Variants in KDM4C observed in about 807,000 individuals in gnomAD.
The protein encoded by KDM4C is lysine-specific demethylase 4C.
A neutral mutation model predicts 129.3 loss-of-function variants in KDM4C; 81 were observed. The observed-to-expected ratio is 0.63, with a 90% confidence interval of 0.52 to 0.75. The LOEUF is 0.75. Ranked by LOEUF, KDM4C falls within the 30% of genes least tolerant of loss-of-function variation. The pLI, the probability that KDM4C is intolerant of heterozygous loss-of-function variation, is 0.00. For synonymous variants in KDM4C, 573 were observed against 456.1 expected, an observed-to-expected ratio of 1.26 and a Z score of -3.26; for missense variants, 1,457 against 1,304.0, an observed-to-expected ratio of 1.12 and a Z score of -1.81.
At chr9:7,127,828 A>G (rs1840183504) in intron 18 of KDM4C, 1 of 383,382 alleles carries the variant, frequency 2.6e-6, no homozygotes, top group South Asian at 5.2e-5. Context: ...TACACACACA[A>G]AACCAATGGA....
intron 3 of KDM4C, among the ~76,000 whole-genome samples, chr9:6,809,426 G>C (rs1830738703): frequency 6.6e-6 from 1 of 152,204 alleles, no homozygotes; most frequent in South Asian, 2.1e-4. Flanking sequence ...CTCTCTTAAA[G>C]TGTTAATTGA....
intron 2 of KDM4C, among the ~76,000 whole-genome samples, chr9:6,803,505 G>A (rs1347541454): frequency 6.6e-6 from 1 of 151,718 alleles, no homozygotes; most frequent in Non-Finnish European, 1.5e-5. Flanking sequence ...GGGAGGTGGA[G>A]GTTGCGGTGA....
chr9:6,976,651 G>C (rs563586627), intron 8 of KDM4C, among the ~76,000 whole-genome samples: 1 of 152,284 alleles, frequency 6.6e-6, no homozygotes, highest in South Asian at 2.1e-4. Context: ...AATGTGATTT[G>C]ATTGTGCCTC....
chr9:7,164,113 CTTGA>C (rs1844104887), intron 19 of KDM4C, among the ~76,000 whole-genome samples: 1 of 152,178 alleles, frequency 6.6e-6, no homozygotes, highest in Non-Finnish European at 1.5e-5. Flanking sequence ...GCATTTATAG[CTTGA>C]TTGGTCAAGT....
intron 19 of KDM4C, 45 bp downstream of exon 19, chr9:7,128,281 A>G (rs1840239310): frequency 7.1e-7 from 1 of 1,409,154 alleles, no homozygotes; most frequent in African/African-American, 1.5e-5. Context: ...GTAATTTAAA[A>G]AAAAAAACCA....
chr9:6,787,935 C>T (rs1825814596), intron 1 of KDM4C, among the ~76,000 whole-genome samples: 1 of 152,150 alleles, frequency 6.6e-6, no homozygotes, highest in Admixed American at 6.5e-5. Flanking sequence ...AAATGCCAAA[C>T]TCCTTTTCTC....
At chr9:7,068,097 A>T in intron 17 of KDM4C, among the ~76,000 whole-genome samples, 1 of 152,082 alleles carries the variant, frequency 6.6e-6, no homozygotes, top group Non-Finnish European at 1.5e-5. Flanking sequence ...CACCCAGCTG[A>T]TTTTTGACTT....
chr9:6,824,638 C>CA (rs144032826), intron 4 of KDM4C, among the ~76,000 whole-genome samples: 50,544 of 126,850 alleles, frequency 0.4, 10,444 homozygotes, highest in East Asian at 0.61. Context: ...GACTCCGTCT[C>CA]AAAAAAAAAA....
intron 8 of KDM4C, among the ~76,000 whole-genome samples, chr9:6,948,888 A>T (rs899439211): frequency 6.6e-6 from 1 of 152,164 alleles, no homozygotes; most frequent in Non-Finnish European, 1.5e-5. Context: ...ACTTCTTTCT[A>T]CACAGATGCA....
intron 4 of KDM4C, chr9:6,834,310 T>A (rs996758311): frequency 4.0e-5 from 11 of 278,404 alleles, no homozygotes; most frequent in Non-Finnish European, 7.1e-5. Flanking sequence ...GTGCTGAGAT[T>A]ACAGCATGAG....
chr9:7,052,894 A>AGAGAGAGC (rs1554718517), intron 17 of KDM4C, among the ~76,000 whole-genome samples: 1,322 of 105,460 alleles, frequency 0.013, 35 homozygotes, highest in African/African-American at 0.039. Context: ...AGAGAGAGAG[A>AGAGAGAGC]GAGAGAGCGA....
Position 6,845,646 on chromosome 9 carries a change from T to G in KDM4C, c.436-3861T>G, listed in dbSNP as rs567145541. Among the ~76,000 whole-genome samples the G allele has an allele frequency of 1.1e-3, 166 of 152,266 alleles. 1 individual carries two copies. The highest frequency in any genetic ancestry group is 3.9e-3 in the African/African-American group (164 of 41,558). On this transcript the variant is annotated intron_variant, in intron 4 of 21. Coordinates refer to ENST00000381309, the MANE Select transcript of KDM4C (RefSeq NM_015061.6). ...AATCGTGGTCCAATTGTGAGTTGTT[T>G]CAGAAAACAGATGCAGGATACGTAA... is the stretch of plus-strand genomic sequence containing the variant.
At chr9:6,993,434 C>T (rs1819111183) in intron 12 of KDM4C, among the ~76,000 whole-genome samples, 1 of 152,022 alleles carries the variant, frequency 6.6e-6, no homozygotes, top group Non-Finnish European at 1.5e-5. Flanking sequence ...TTTTTATTGC[C>T]CAGTTGTTTA....
Position 6,758,496 on chromosome 9 carries a change from T to A in KDM4C, c.-18+293T>A, listed in dbSNP as rs966821054. ...GGGATCCGGAGTCGGGGTCGCCTCC[T>A]TGGGGCAGAGGAGCGCTCGGGCGGT... On this transcript the variant is annotated intron_variant, in intron 1 of 21. Coordinates refer to ENST00000381309, the MANE Select transcript of KDM4C (RefSeq NM_015061.6). The surrounding 1 kb of genome is among the most constrained non-coding windows in gnomAD (Gnocchi z 4.6). Among the ~76,000 whole-genome samples the A allele has an allele frequency of 1.3e-5, 2 of 152,144 alleles. No homozygotes were observed. The highest frequency in any genetic ancestry group is 4.8e-5 in the African/African-American group (2 of 41,442).
rs1458914412 is a variant in KDM4C at position 6,798,716 on chromosome 9, G to A, written c.144+5584G>A. Among the ~76,000 whole-genome samples, 4 of 152,006 alleles carry A rather than the reference G, an allele frequency of 2.6e-5. No individual in the cohort carries two copies. The South Asian group carries it at 6.2e-4, about 24-fold the overall frequency. On this transcript the variant is annotated intron_variant, in intron 2 of 21. Transcript: ENST00000381309. Reference sequence around the variant, plus strand: ...TCCCCCTTTTCTATTCCACAAAACCGCCATTGTCATCATGGCCCGTTCTCA... The same window carrying A: ...TCCCCCTTTTCTATTCCACAAAACCACCATTGTCATCATGGCCCGTTCTCA...
chr9:7,081,171 A>G (rs980856345), intron 17 of KDM4C, among the ~76,000 whole-genome samples: 5 of 152,172 alleles, frequency 3.3e-5, no homozygotes, highest in African/African-American at 1.2e-4. Flanking sequence ...ACTTCACTTA[A>G]TGTTGTCAGT....
intron 18 of KDM4C, among the ~76,000 whole-genome samples, chr9:7,106,192 C>A (rs927760705): frequency 6.6e-6 from 1 of 152,182 alleles, no homozygotes; most frequent in African/African-American, 2.4e-5. Context: ...AATCTGGCAA[C>A]TTTGGTTAAG....
At chr9:6,804,988 C>T (rs1829698633) in intron 2 of KDM4C, among the ~76,000 whole-genome samples, 1 of 151,932 alleles carries the variant, frequency 6.6e-6, no homozygotes, top group South Asian at 2.1e-4. Context: ...GCAACCCCTG[C>T]CTCTTGGGTT....
chr9:6,901,034 C>T (rs1001997976), intron 8 of KDM4C, among the ~76,000 whole-genome samples: 1 of 151,450 alleles, frequency 6.6e-6, no homozygotes, highest in African/African-American at 2.4e-5. Flanking sequence ...TAATAGTAAA[C>T]ACATAGGAAA....
Sources: allele counts gnomAD v4.1 joint callset (sites outside exome capture counted in the v4.1 genomes callset), GRCh38; gene constraint gnomAD v4.1.1; non-coding constraint Gnocchi (gnomAD v3.1); transcripts MANE v1.5; gene names NCBI Gene and HGNC (gene_info 2026-07-23, HGNC 2026-07-21).